TRIP12: variants seen among roughly 807,000 people sequenced by gnomAD.
TRIP12 encodes E3 ubiquitin-protein ligase TRIP12.
In TRIP12, 25 loss-of-function variants were observed where a neutral mutation model predicts 244.2. The observed-to-expected ratio is 0.10, with a 90% CI of 0.07 to 0.14. The LOEUF (loss-of-function observed/expected upper bound fraction) is 0.14. Ranked by LOEUF, TRIP12 falls within the 10% of genes least tolerant of loss-of-function variation. The pLI, the probability that TRIP12 is intolerant of heterozygous loss-of-function variation, is 1.00. For missense variants in TRIP12, 1,677 were observed against 2,486.4 expected (o/e 0.67, Z 6.92); for synonymous variants, 905 against 873.1 (o/e 1.04, Z -0.64).
Position 229,793,250 on chromosome 2 carries a change from A to T in TRIP12, c.3969-105T>A, listed in dbSNP as rs1202549723. On this transcript the variant is annotated intron_variant, in intron 26 of 41. Transcript: ENST00000675903. The stretch of plus-strand genomic sequence containing the variant: ...TACAAACTGCATTTTCATAAGACAC[A>T]CTAGTACTAAGCATTTACTTACCAG... 7.1e-6 allele frequency: 8 copies of T among 1,130,266 alleles called. No homozygotes were observed. The Admixed American group carries it at 1.6e-4, about 23-fold the overall frequency. 70.0% of individuals were successfully genotyped at this position (1,130,266 alleles called of 1,614,324 possible).
chr2:229,852,733 C>T (rs941607628), intron 4 of TRIP12, among the ~76,000 whole-genome samples: 3 of 152,166 alleles, frequency 2.0e-5, no homozygotes, highest in South Asian at 2.1e-4. Flanking sequence ...ACTAAAGTAG[C>T]GGTTTCACTA....
rs950952350 is a variant in TRIP12 at position 229,779,361 on chromosome 2, C to T, written c.5095-371G>A. On this transcript the variant is annotated intron_variant, in intron 34 of 41. Transcript: ENST00000675903. ...CCCCAAAACCAGCTCAAATGTCACC[C>T]TCTCAAGGGGAAGGCTCCCCCCAGC... 3.9e-5 allele frequency among the ~76,000 whole-genome samples: 6 copies of T among 152,208 alleles called. No individual in the cohort carries two copies. The South Asian group carries it at 1.2e-3, about 31-fold the overall frequency.
At chr2:229,810,162 A>G (rs2154277908) in intron 15 of TRIP12, among the ~76,000 whole-genome samples, 1 of 152,344 alleles carries the variant, frequency 6.6e-6, no homozygotes, top group East Asian at 1.9e-4. Flanking sequence ...GACTTCAAGA[A>G]CAGCCTAGGC....
rs180783997 is a variant in TRIP12 at position 229,794,124 on chromosome 2, C to T, written c.3969-979G>A. ...CATGAACTCCTCCAGGAAATCATAA[C>T]GATCAAAACTGAATACCACACACTA... is the stretch of plus-strand genomic sequence containing the variant. On this transcript the variant is annotated intron_variant, in intron 26 of 41. Transcript: ENST00000675903. Among the ~76,000 whole-genome samples, 134 of 152,224 alleles carry T rather than the reference C, an allele frequency of 8.8e-4. 1 individual carries two copies. The highest frequency in any genetic ancestry group is 1.5e-3 in the Non-Finnish European group (104 of 68,008).
chr2:229,830,614 T>A (rs1225061178), intron 7 of TRIP12, 142 bp downstream of exon 7: 1 of 572,136 alleles, frequency 1.7e-6, no homozygotes, highest in Non-Finnish European at 2.9e-6. Flanking sequence ...ATGAAATTGC[T>A]ACTAAAAATT....
intron 6 of TRIP12, chr2:229,831,065 G>A: frequency 1.4e-6 from 1 of 696,674 alleles, no homozygotes; most frequent in East Asian, 2.7e-5. Flanking sequence ...TTTTATGCTT[G>A]TTTTTCATTT....
chr2:229,848,536 GA>G (rs2058046591), intron 4 of TRIP12, among the ~76,000 whole-genome samples: 1 of 152,042 alleles, frequency 6.6e-6, no homozygotes, highest in South Asian at 2.1e-4. Flanking sequence ...AAATCTACCA[GA>G]AACAGAACGA....
intron 17 of TRIP12, 74 bp downstream of exon 17, chr2:229,807,634 C>A: frequency 6.5e-7 from 1 of 1,546,030 alleles, no homozygotes; most frequent in South Asian, 1.1e-5. Context: ...TCCACATATC[C>A]ACCTCCCCAT....
At chr2:229,799,632 G>A (rs188041781) in intron 21 of TRIP12, among the ~76,000 whole-genome samples, 48 of 151,848 alleles carry the variant, frequency 3.2e-4, no homozygotes, top group African/African-American at 1.0e-3. Context: ...AAAATTAGCC[G>A]GGCGTGGTGG....
At chr2:229,883,237 T>C (rs527487035) in intron 1 of TRIP12, among the ~76,000 whole-genome samples, 11 of 152,222 alleles carry the variant, frequency 7.2e-5, no homozygotes, top group Middle Eastern at 3.4e-3. Flanking sequence ...ACACACTTCA[T>C]AGGTATCACC....
Position 229,792,237 on chromosome 2 carries a change from A to G in TRIP12, c.4142-11T>C. 3.1e-6 allele frequency: 5 copies of G among 1,612,910 alleles called. No homozygotes were observed. Among genetic ancestry groups the G allele is most frequent in the Middle Eastern group, 3.3e-4 (2 of 6,056 alleles). ...TTACTCTTCCATACCCTGAAGACCC[A>G]AGTAGACTTTTAAACTCTTAGCGAT... On this transcript the variant is annotated splice_polypyrimidine_tract_variant and intron_variant, in intron 27 of 41. Transcript: ENST00000675903.
chr2:229,902,430 G>A (rs1490105451), intron 1 of TRIP12, among the ~76,000 whole-genome samples: 2 of 152,072 alleles, frequency 1.3e-5, no homozygotes, highest in African/African-American at 4.8e-5. Flanking sequence ...ATATGAATAG[G>A]CAACAAACCA....
rs114138300 is a variant in TRIP12 at position 229,810,010 on chromosome 2, T to A, written c.2221+870A>T. ...TCCATAGAGATTAGAATTATGGCTA[T>A]GAAATTACAAACAATTAAAGGTATT... On this transcript the variant is annotated intron_variant, in intron 15 of 41. Transcript: ENST00000675903. Among the ~76,000 whole-genome samples, 875 of 152,306 alleles carry A rather than the reference T, an allele frequency of 5.7e-3. 7 individuals carry two copies. Among genetic ancestry groups the A allele is most frequent in the African/African-American group, 0.019 (798 of 41,572 alleles).
intron 33 of TRIP12, 71 bp downstream of exon 33, chr2:229,787,434 T>C (rs2154255268): frequency 4.6e-6 from 7 of 1,507,876 alleles, no homozygotes; most frequent in African/African-American, 1.4e-5. Context: ...TATTTAGATA[T>C]ACTACATTTC....
intron 1 of TRIP12, among the ~76,000 whole-genome samples, chr2:229,901,617 T>C (rs1170178918): frequency 7.1e-5 from 1 of 14,086 alleles, no homozygotes; most frequent in Non-Finnish European, 2.5e-4. Flanking sequence ...AATGAGACTG[T>C]CTGAAAAAAA....
intron 1 of TRIP12, among the ~76,000 whole-genome samples, chr2:229,912,843 T>C (rs2074586790): frequency 6.6e-6 from 1 of 152,148 alleles, no homozygotes; most frequent in Non-Finnish European, 1.5e-5. Context: ...TGGAACCAGA[T>C]ATGCACTCAC....
intron 1 of TRIP12, among the ~76,000 whole-genome samples, chr2:229,886,727 A>G (rs1488510376): frequency 6.6e-6 from 1 of 152,204 alleles, no homozygotes; most frequent in Non-Finnish European, 1.5e-5. Context: ...TTGGCCTCCC[A>G]AAGTGCTGGG....
chr2:229,880,659 C>T (rs368389087), intron 1 of TRIP12, among the ~76,000 whole-genome samples: 1 of 152,148 alleles, frequency 6.6e-6, no homozygotes, highest in African/African-American at 2.4e-5. Flanking sequence ...CAAACAAAAT[C>T]GTGGCCGGGT....
At chr2:229,784,165 TG>T (rs2039269530) in intron 34 of TRIP12, among the ~76,000 whole-genome samples, 1 of 149,104 alleles carries the variant, frequency 6.7e-6, no homozygotes, top group Non-Finnish European at 1.5e-5. Context: ...TTATACTACC[TG>T]ATTATGACTT....
Sources: gnomAD v4.1 joint callset for allele counts (sites outside exome capture counted in the v4.1 genomes callset) on GRCh38, gnomAD v4.1.1 for gene constraint, MANE v1.5 for transcripts, NCBI Gene and HGNC (gene_info 2026-07-23, HGNC 2026-07-21) for gene names.